Variants in SECTM1 observed in about 807,000 individuals in gnomAD.
SECTM1 encodes secreted and transmembrane protein 1.
Under a neutral mutation model 18.1 loss-of-function variants are expected in SECTM1, and 10 were observed. The ratio of observed to expected loss-of-function variants is 0.55; its 90% CI spans 0.34 to 0.94. The LOEUF is 0.94. SECTM1 is among the 40% of genes least tolerant of loss of function. The pLI is 0.02. For missense variants in SECTM1, 297 were observed against 322.6 expected (o/e 0.92, Z 0.61); for synonymous variants, 137 against 139.2 (o/e 0.98, Z 0.11).
At chr17:82,332,962 G>A (rs942039446) in intron 1 of SECTM1, among the ~76,000 whole-genome samples, 1 of 152,248 alleles carries the variant, frequency 6.6e-6, no homozygotes, top group African/African-American at 2.4e-5. Flanking sequence ...TGCTTCTCAA[G>A]CTGCAGGTGA....
rs2147267946 is a variant in SECTM1 at position 82,325,555 on chromosome 17, C to T, written c.95-665G>A. Among the ~76,000 whole-genome samples the T allele has an allele frequency of 1.3e-5, 2 of 152,360 alleles. No homozygotes were observed. The highest frequency in any genetic ancestry group is 4.1e-4 in the South Asian group (2 of 4,830). ...TGCTGGGCCAGCTCCATACACAGCT[C>T]CACAGTCCTGGGAGGTCAAGTCCTT... On this transcript the variant is annotated intron_variant, in intron 2 of 4. Transcript: ENST00000269389. This position sits in a 1 kb window ranked among gnomAD's most constrained non-coding sequence, Gnocchi z 7.6.
chr17:82,333,843 G>C (rs1476733984), upstream of SECTM1: 1 of 152,290 alleles, frequency 6.6e-6, no homozygotes, highest in African/African-American at 2.4e-5. Flanking sequence ...GGAAGGAGCT[G>C]GGTTTACGGG....
At chr17:82,324,517 G>GGC in intron 3 of SECTM1, 65 bp downstream of exon 3, 75 of 604,096 alleles carry the variant, frequency 1.2e-4, no homozygotes, top group South Asian at 7.3e-4. Flanking sequence ...CCCTGCCCAG[G>GGC]CCCCCTCCCC....
intron 3 of SECTM1, 145 bp from the exon 4 acceptor site, chr17:82,323,156 G>T (rs1319625179): frequency 7.3e-6 from 7 of 961,954 alleles, no homozygotes; most frequent in East Asian, 2.7e-5. Context: ...TGCCCAGGAG[G>T]TACAGGGGTG....
intron 3 of SECTM1, among the ~76,000 whole-genome samples, chr17:82,324,047 C>A (rs939421934): frequency 7.2e-5 from 11 of 151,992 alleles, no homozygotes; most frequent in African/African-American, 2.2e-4. Flanking sequence ...AAGGGTGCTG[C>A]GCGGGCGACC....
intron 1 of SECTM1, among the ~76,000 whole-genome samples, chr17:82,332,339 AC>A (rs201730863): frequency 0.098 from 14,875 of 151,922 alleles, 1,303 homozygotes; most frequent in African/African-American, 0.24. Context: ...AAGTTCACGC[AC>A]CGCCCAGCAC....
At chr17:82,322,618 T>G (rs1366829503) in intron 4 of SECTM1, among the ~76,000 whole-genome samples, 2 of 150,220 alleles carry the variant, frequency 1.3e-5, no homozygotes, top group East Asian at 4.1e-4. Context: ...CCACGCACCC[T>G]GCCATGCTGC....
At chr17:82,333,629 T>TCCCCAGCACCGAGTCCCCAGCACCGAGC (rs2052211540) in intron 1 of SECTM1, 71 bp downstream of exon 1, 1 of 45,706 alleles carries the variant, frequency 2.2e-5, no homozygotes, top group Non-Finnish European at 5.9e-5. Flanking sequence ...CAGCACCGAG[T>TCCCCAGCACCGAGTCCCCAGCACCGAGC]CCCCAGCACC....
chr17:82,323,190 G>C, intron 3 of SECTM1, 179 bp from the exon 4 acceptor site: 1 of 666,538 alleles, frequency 1.5e-6, no homozygotes, highest in Non-Finnish European at 2.5e-6. Flanking sequence ...AGGAGAGGGG[G>C]CGCAGGACCA....
rs112865684 is a variant in SECTM1, at chr17:82,322,083, G to T, written c.*78C>A. 2.1e-6 allele frequency: 3 copies of T among 1,439,588 alleles called. No individual in the cohort carries two copies. Among genetic ancestry groups the T allele is most frequent in the Non-Finnish European group, 2.9e-6 (3 of 1,029,734 alleles). 89.2% of individuals were successfully genotyped at this position (1,439,588 alleles called of 1,614,324 possible). A position where few individuals can be genotyped will look rare whatever the true frequency, so the allele number is the denominator to read the frequency against. Reference sequence around the variant, plus strand: ...GCCGGTGTCTGTGCCCTCCGGGTGGGACGAGAGACCCAGGCCCCGCCACCC... The same window carrying T: ...GCCGGTGTCTGTGCCCTCCGGGTGGTACGAGAGACCCAGGCCCCGCCACCC... On this transcript the variant is annotated 3_prime_UTR_variant, in exon 5 of 5. Coordinates refer to ENST00000269389, the MANE Select transcript of SECTM1 (RefSeq NM_003004.3).
rs2052186215 is a variant in SECTM1 at position 82,330,909 on chromosome 17, TC to T, written c.-53+2790del. On this transcript the variant is annotated intron_variant, in intron 1 of 4. Coordinates refer to ENST00000269389, the MANE Select transcript of SECTM1 (RefSeq NM_003004.3). The surrounding 1 kb of genome is among the most constrained non-coding windows in gnomAD (Gnocchi z 6.1). ...CCCCTGGCGGCCTGGACTGCACCGTTCCGGAGATGCTGCCTCCCCACCAAGT... is the reference window on the plus strand; with the variant it reads ...CCCCTGGCGGCCTGGACTGCACCGTTCGGAGATGCTGCCTCCCCACCAAGT... Among the ~76,000 whole-genome samples the T allele has an allele frequency of 6.6e-6, 1 of 152,016 alleles. No individual in the cohort carries two copies. The highest frequency in any genetic ancestry group is 2.4e-5 in the African/African-American group (1 of 41,390).
In SECTM1 at chr17:82,322,174, G is replaced by A; in HGVS notation, c.734C>T (p.Ala245Val). 1 of 1,613,802 alleles carries A rather than the reference G, an allele frequency of 6.2e-7. No homozygotes were observed. Among genetic ancestry groups the A allele is most frequent in the Non-Finnish European group, 8.5e-7 (1 of 1,179,794 alleles). Reference sequence around the variant, plus strand: ...CCTTGCAGGCGGCTATGGGTCTGCGGCATATGGAAACAAGGGTTGGGGGGA... The same window carrying A: ...CCTTGCAGGCGGCTATGGGTCTGCGACATATGGAAACAAGGGTTGGGGGGA... ...LLSPQPLFPY[A>V]ADP is the part of the protein sequence containing the mutation. The change falls in exon 5 of 5, where the codon GCC becomes GTC. Residue 245 changes from alanine (A) to valine (V), a missense_variant. Transcript: ENST00000269389.
At position 82,325,006 on chromosome 17, in the gene SECTM1, A is replaced by T. The variant is rs1340749923; in HGVS notation, c.95-116T>A. The T allele has an allele frequency of 6.7e-6, 6 of 901,188 alleles. No homozygotes were observed. Among genetic ancestry groups the T allele is most frequent in the Non-Finnish European group, 8.3e-6 (5 of 602,224 alleles). The allele number at this position is 901,188 out of a possible 1,614,324, so 55.8% of individuals were successfully genotyped here. ...GACAGGGCCTCTAAGGGACACAGTG[A>T]ACTATGTATACATCCACCCGACCCA... On this transcript the variant is annotated intron_variant, in intron 2 of 4. Transcript: ENST00000269389. The surrounding 1 kb of genome is among the most constrained non-coding windows in gnomAD (Gnocchi z 7.6).
chr17:82,333,098 G>T (rs1011643116), intron 1 of SECTM1, among the ~76,000 whole-genome samples: 1 of 152,262 alleles, frequency 6.6e-6, no homozygotes, highest in African/African-American at 2.4e-5. Flanking sequence ...TCATGAGTTT[G>T]CTGTGAGTGC....
chr17:82,322,356 G>A lies in SECTM1; in HGVS notation c.552C>T (p.Leu184=). The change falls in exon 5 of 5, where the codon CTC becomes CTT. Residue 184 remains leucine, a synonymous_variant. Transcript: ENST00000269389. ...CTGCGACCTTCATCTGGGGTTCTAG[G>A]AGGAAGAACTTCTTCTGCAGGGGGA... ...SQQRREKKFF[L]LEPQMKVAAL... The A allele has an allele frequency of 6.2e-7, 1 of 1,613,770 alleles. No individual in the cohort carries two copies. Among genetic ancestry groups the A allele is most frequent in the Non-Finnish European group, 8.5e-7 (1 of 1,179,852 alleles).
At chr17:82,324,271 C>CAGA (rs112585213) in intron 3 of SECTM1, among the ~76,000 whole-genome samples, 9,240 of 152,038 alleles carry the variant, frequency 0.061, 373 homozygotes, top group African/African-American at 0.11. Flanking sequence ...CTTTGAGGAG[C>CAGA]AGCTTTGTGT....
At chr17:82,322,565 G>A (rs2052104005) in intron 4 of SECTM1, among the ~76,000 whole-genome samples, 195 bp from the exon 5 acceptor site, 1 of 152,134 alleles carries the variant, frequency 6.6e-6, no homozygotes, top group Admixed American at 6.5e-5. Flanking sequence ...TCAGCAAGAG[G>A]CTCCCTTGGC....
chr17:82,322,409 G>A (rs370656311), intron 4 of SECTM1, 39 bp from the exon 5 acceptor site: 30 of 1,587,128 alleles, frequency 1.9e-5, no homozygotes, highest in East Asian at 1.3e-4. Flanking sequence ...TGAGCCGCGC[G>A]CCCCCGTGCC....
intron 1 of SECTM1, among the ~76,000 whole-genome samples, chr17:82,332,123 CA>C (rs2052196302): frequency 6.6e-6 from 1 of 152,174 alleles, no homozygotes; most frequent in Non-Finnish European, 1.5e-5. Context: ...GCCTGGGCAA[CA>C]AGAGCGAAAC....
Sources: allele counts gnomAD v4.1 joint callset (sites outside exome capture counted in the v4.1 genomes callset), GRCh38; gene constraint gnomAD v4.1.1; non-coding constraint Gnocchi (gnomAD v3.1); transcripts MANE v1.5; gene names NCBI Gene and HGNC (gene_info 2026-07-23, HGNC 2026-07-21).